Variants in CFAP299 observed in about 807,000 individuals in gnomAD.
CFAP299 encodes cilia and flagella associated protein 299, also known as cilia- and flagella-associated protein 299.
In CFAP299, 21 loss-of-function variants were observed where a neutral mutation model predicts 27.0. That is an observed-to-expected ratio of 0.78 (90% CI 0.55 to 1.12). The LOEUF is 1.12. CFAP299 is among the 50% of genes most tolerant of loss of function. The pLI, the probability that CFAP299 is intolerant of heterozygous loss-of-function variation, is 0.00. For missense variants in CFAP299, 310 were observed against 276.6 expected (o/e 1.12, Z -0.86); for synonymous variants, 104 against 98.1 (o/e 1.06, Z -0.36).
chr4:80,569,897 A>C (rs1247552207), intron 2 of CFAP299, among the ~76,000 whole-genome samples: 1 of 152,056 alleles, frequency 6.6e-6, no homozygotes, highest in Non-Finnish European at 1.5e-5. Flanking sequence ...ACAAATTGGA[A>C]ATTCAAATAA....
chr4:80,437,660 A>G (rs181331975), intron 2 of CFAP299, among the ~76,000 whole-genome samples: 3 of 152,322 alleles, frequency 2.0e-5, no homozygotes, highest in Admixed American at 6.5e-5. Flanking sequence ...TACATCTTCC[A>G]AGGCTGGTCA....
intron 4 of CFAP299, among the ~76,000 whole-genome samples, chr4:80,909,029 G>A (rs1211375063): frequency 2.6e-5 from 4 of 152,056 alleles, no homozygotes; most frequent in African/African-American, 9.7e-5. Flanking sequence ...AAAGTCTCTA[G>A]CATAGGTAAA....
intron 3 of CFAP299, among the ~76,000 whole-genome samples, chr4:80,591,113 T>TTA (rs1736736088): frequency 7.1e-6 from 1 of 141,466 alleles, no homozygotes; most frequent in Non-Finnish European, 1.5e-5. Flanking sequence ...AAATTTTTTT[T>TTA]TTTTTTTTTT....
chr4:80,940,023 C>T (rs1157948311), intron 4 of CFAP299, among the ~76,000 whole-genome samples: 1 of 152,144 alleles, frequency 6.6e-6, no homozygotes, highest in Non-Finnish European at 1.5e-5. Context: ...GTTGAGCTGG[C>T]TGCTGATCTA....
chr4:80,473,366 T>C (rs1730106292), intron 2 of CFAP299, among the ~76,000 whole-genome samples: 1 of 152,104 alleles, frequency 6.6e-6, no homozygotes, highest in Non-Finnish European at 1.5e-5. Context: ...CAAGGGCCAG[T>C]ATCATTATTC....
At chr4:80,431,731 C>T (rs191390636) in intron 2 of CFAP299, among the ~76,000 whole-genome samples, 65 of 152,298 alleles carry the variant, frequency 4.3e-4, no homozygotes, top group Non-Finnish European at 5.9e-4. Context: ...TCTTCACCTT[C>T]GGGGTCACTG....
At chr4:80,806,677 G>C (rs773458388) in intron 3 of CFAP299, among the ~76,000 whole-genome samples, 2 of 152,170 alleles carry the variant, frequency 1.3e-5, no homozygotes, top group Non-Finnish European at 2.9e-5. Context: ...GAACAATTAG[G>C]GTGGGACTTG....
At chr4:80,639,315 A>G (rs961753049) in intron 3 of CFAP299, among the ~76,000 whole-genome samples, 1 of 152,210 alleles carries the variant, frequency 6.6e-6, no homozygotes, top group Admixed American at 6.5e-5. Flanking sequence ...AGGGGACTGC[A>G]GTGTCCGCTC....
Position 80,880,366 on chromosome 4 carries a change from GA to G in CFAP299, c.476+10241del, listed in dbSNP as rs574529003. Among the ~76,000 whole-genome samples the G allele has an allele frequency of 3.1e-3, 466 of 148,110 alleles. 4 individuals are homozygous for G. Among genetic ancestry groups the G allele is most frequent in the African/African-American group, 9.5e-3 (385 of 40,542 alleles). On this transcript the variant is annotated intron_variant, in intron 4 of 5. Coordinates refer to ENST00000358105, the MANE Select transcript of CFAP299 (RefSeq NM_152770.3). ...GAAAGCCATAGCTTTTATTTCTCCAGAAAAAAAAAATGTCAATATAACAACA... is the reference window on the plus strand; with the variant it reads ...GAAAGCCATAGCTTTTATTTCTCCAGAAAAAAAAATGTCAATATAACAACA...
chr4:80,791,235 G>A (rs1168084960), intron 3 of CFAP299, among the ~76,000 whole-genome samples: 1 of 151,894 alleles, frequency 6.6e-6, no homozygotes, highest in Non-Finnish European at 1.5e-5. Flanking sequence ...CCCTATTATG[G>A]ATAGGAAGTT....
At chr4:80,552,670 G>T (rs1734581848) in intron 2 of CFAP299, among the ~76,000 whole-genome samples, 1 of 152,058 alleles carries the variant, frequency 6.6e-6, no homozygotes, top group African/African-American at 2.4e-5. Flanking sequence ...TGAATAAGAG[G>T]TTATTACTAC....
At chr4:80,870,582 C>T (rs1206719303) in intron 4 of CFAP299, 19 of 986,626 alleles carry the variant, frequency 1.9e-5, no homozygotes, top group Non-Finnish European at 2.2e-5. Context: ...CATTCCTTAA[C>T]ACCCATCATT....
chr4:80,555,749 T>C (rs983432599), intron 2 of CFAP299, among the ~76,000 whole-genome samples: 2 of 152,066 alleles, frequency 1.3e-5, no homozygotes, highest in African/African-American at 4.8e-5. Flanking sequence ...TCCAGGAATT[T>C]ATACATCTCT....
intron 3 of CFAP299, among the ~76,000 whole-genome samples, chr4:80,785,904 C>T (rs1727221748): frequency 6.6e-6 from 1 of 152,002 alleles, no homozygotes; most frequent in African/African-American, 2.4e-5. Context: ...TAACTCAGTG[C>T]AGTAAAATAA....
chr4:80,385,933 C>G (rs543863578), intron 2 of CFAP299, among the ~76,000 whole-genome samples: 1 of 152,354 alleles, frequency 6.6e-6, no homozygotes, highest in African/African-American at 2.4e-5. Context: ...TCTCTCTTGC[C>G]GTGGCTCTGC....
intron 2 of CFAP299, among the ~76,000 whole-genome samples, chr4:80,563,589 C>T (rs994859301): frequency 6.6e-6 from 1 of 150,920 alleles, no homozygotes; most frequent in South Asian, 2.1e-4. Flanking sequence ...GCCTACATAA[C>T]AAAAGAGGGA....
intron 4 of CFAP299, among the ~76,000 whole-genome samples, chr4:80,884,019 C>A (rs1324420124): frequency 6.6e-6 from 1 of 152,158 alleles, no homozygotes; most frequent in Non-Finnish European, 1.5e-5. Flanking sequence ...CCTTTTCCCA[C>A]CCTTCACCCT....
Position 80,875,389 on chromosome 4 carries a change from C to T in CFAP299, c.476+5254C>T, listed in dbSNP as rs189713067. 2.5e-3 allele frequency among the ~76,000 whole-genome samples: 387 copies of T among 152,186 alleles called. 2 individuals carry two copies. Among genetic ancestry groups the T allele is most frequent in the African/African-American group, 8.7e-3 (361 of 41,522 alleles). On this transcript the variant is annotated intron_variant, in intron 4 of 5. Coordinates refer to ENST00000358105, the MANE Select transcript of CFAP299 (RefSeq NM_152770.3). ...ATAAGATCTCTCATCTTGCCGGGCGCGGTGGCTCACGCCTGTAATCCCAGC... is the reference window on the plus strand; with the variant it reads ...ATAAGATCTCTCATCTTGCCGGGCGTGGTGGCTCACGCCTGTAATCCCAGC...
chr4:80,870,463 C>A (rs188411995), intron 4 of CFAP299: 2 of 1,008,158 alleles, frequency 2.0e-6, no homozygotes, highest in East Asian at 9.8e-5. Flanking sequence ...GCCTCAAGAA[C>A]TGCTCATCTA....
Sources: allele counts gnomAD v4.1 joint callset (sites outside exome capture counted in the v4.1 genomes callset), GRCh38; gene constraint gnomAD v4.1.1; transcripts MANE v1.5; gene names NCBI Gene and HGNC (gene_info 2026-07-23, HGNC 2026-07-21).